Variants in METTL16 observed in about 807,000 individuals in gnomAD.
The protein encoded by METTL16 is RNA N(6)-adenosine-methyltransferase METTL16.
A neutral mutation model predicts 57.9 loss-of-function variants in METTL16; 19 were observed. That is an observed-to-expected ratio of 0.33 (90% confidence interval 0.23 to 0.48). The LOEUF is 0.48. METTL16 is among the 20% of genes least tolerant of loss of function. METTL16 has a pLI of 0.99. For synonymous variants in METTL16, 246 were observed against 255.6 expected (o/e 0.96, Z 0.36); for missense variants, 434 against 691.5 (o/e 0.63, Z 4.18).
At chr17:2,435,593 G>A (rs560453492) in intron 8 of METTL16, among the ~76,000 whole-genome samples, 16 of 152,284 alleles carry the variant, frequency 1.1e-4, no homozygotes, top group East Asian at 1.9e-4. Flanking sequence ...AGGAATTGCC[G>A]TTTTTTCCTG....
intron 3 of METTL16, among the ~76,000 whole-genome samples, chr17:2,477,188 T>A (rs1327119348): frequency 6.6e-6 from 1 of 152,048 alleles, no homozygotes; most frequent in Non-Finnish European, 1.5e-5. Context: ...AAAAAATTTT[T>A]AAATTAAAAA....
intron 6 of METTL16, among the ~76,000 whole-genome samples, chr17:2,462,650 C>T (rs771149900): frequency 2.0e-5 from 3 of 152,068 alleles, no homozygotes; most frequent in Non-Finnish European, 2.9e-5. Context: ...TCTTCCTCCT[C>T]CTCTGGCCAC....
chr17:2,469,656 C>A (rs2067224011), intron 4 of METTL16, among the ~76,000 whole-genome samples: 1 of 152,166 alleles, frequency 6.6e-6, no homozygotes, highest in Non-Finnish European at 1.5e-5. Context: ...TCCCAAGTAG[C>A]TGGGATTACA....
Position 2,507,731 on chromosome 17 carries a change from G to T in METTL16, c.-1+4028C>A, listed in dbSNP as rs1029629091. ...ATTGAGAAATCGGATGGTTGCCGTG[G>T]CTGTGTAGAAAGAGGTAGACATGGG... On this transcript the variant is annotated intron_variant, in intron 1 of 9. Transcript: ENST00000263092. 5.9e-5 allele frequency among the ~76,000 whole-genome samples: 9 copies of T among 152,330 alleles called. 1 individual carries two copies. The South Asian group carries it at 1.0e-3, about 18-fold the overall frequency.
At chr17:2,472,863 G>A (rs1303301695) in intron 4 of METTL16, among the ~76,000 whole-genome samples, 1 of 152,142 alleles carries the variant, frequency 6.6e-6, no homozygotes, top group Non-Finnish European at 1.5e-5. Context: ...ATGGACAGTT[G>A]AGGCACAGAA....
At chr17:2,437,933 A>G (rs1449686569) in intron 8 of METTL16, among the ~76,000 whole-genome samples, 176 bp downstream of exon 8, 1 of 152,238 alleles carries the variant, frequency 6.6e-6, no homozygotes, top group African/African-American at 2.4e-5. Flanking sequence ...AAGGCTCCAC[A>G]GTCTCCAGGA....
Position 2,420,400 on chromosome 17 carries a change from T to A in METTL16, c.1259A>T (p.Gln420Leu), listed in dbSNP as rs779770249. The part of the protein sequence containing the change: ...KPTPKESGNS[Q>L]ELARGPQERT... ...CTCCTGGGGGCCCCTGGCCAGTTCT[T>A]GGCTATTGCCAGACTCTTTGGGGGT... Residue 420 changes from glutamine (Q) to leucine (L), a missense_variant, in exon 10 of 10, where the codon CAA becomes CTA. By Grantham distance (113) the Gln-to-Leu change is moderately radical. Transcript: ENST00000263092. This position sits in a 1 kb window ranked among gnomAD's most constrained non-coding sequence, Gnocchi z 5.4. 1 of 1,613,876 alleles carries A rather than the reference T, an allele frequency of 6.2e-7. No homozygotes were observed.
intron 6 of METTL16, among the ~76,000 whole-genome samples, chr17:2,462,908 C>T (rs564500898): frequency 6.6e-6 from 1 of 152,298 alleles, no homozygotes; most frequent in East Asian, 1.9e-4. Context: ...TGTCCCAAAG[C>T]TAAATCCTTG....
chr17:2,456,518 C>T (rs913745092), intron 6 of METTL16, among the ~76,000 whole-genome samples: 3 of 152,140 alleles, frequency 2.0e-5, no homozygotes, highest in East Asian at 3.9e-4. Context: ...TCTGTTGCCC[C>T]GGTTGGAGTG....
intron 2 of METTL16, among the ~76,000 whole-genome samples, chr17:2,493,123 A>AT (rs2067413248): frequency 1.5e-5 from 2 of 135,692 alleles, no homozygotes; most frequent in African/African-American, 2.7e-5. Context: ...TATTTTGGTG[A>AT]TTCTTCTTTT....
rs1403789531 is a variant in METTL16 at position 2,420,570 on chromosome 17, T to G, written c.1089A>C (p.Gly363=). The G allele has an allele frequency of 6.2e-7, 1 of 1,612,260 alleles. No homozygotes were observed. Among genetic ancestry groups the G allele is most frequent in the Non-Finnish European group, 8.5e-7 (1 of 1,179,860 alleles). Residue 363 remains glycine, a synonymous_variant, in exon 10 of 10, where the codon GGA becomes GGC. Transcript: ENST00000263092. This position sits in a 1 kb window ranked among gnomAD's most constrained non-coding sequence, Gnocchi z 5.4. ...TTAGGAAAAGGCTGACTTCCTCTTT[T>G]CCACAGGGAACTCGTTTATGCTGGA... ...LKVQHKRVPC[G]KEEVSLFLTA...
intron 8 of METTL16, chr17:2,424,199 C>T (rs554936574): frequency 2.0e-4 from 30 of 149,944 alleles, no homozygotes; most frequent in African/African-American, 4.9e-4. Context: ...CTGCAAGCTC[C>T]GCCTCCCGGG....
At chr17:2,510,276 A>G (rs1257865856) in intron 1 of METTL16, among the ~76,000 whole-genome samples, 1 of 152,020 alleles carries the variant, frequency 6.6e-6, no homozygotes, top group Non-Finnish European at 1.5e-5. Context: ...CACTTTGAGT[A>G]TTTTTTATAT....
intron 1 of METTL16, among the ~76,000 whole-genome samples, chr17:2,504,889 A>G (rs1256554981): frequency 2.0e-5 from 3 of 152,136 alleles, no homozygotes; most frequent in Middle Eastern, 3.2e-3. Flanking sequence ...TAGTTTTTAC[A>G]GTATCCTTAC....
intron 2 of METTL16, among the ~76,000 whole-genome samples, chr17:2,498,142 C>A (rs965960236): frequency 1.3e-5 from 2 of 150,412 alleles, no homozygotes; most frequent in Non-Finnish European, 2.9e-5. Flanking sequence ...TGCAGTGAGC[C>A]GAGATCGCGC....
At chr17:2,461,390 A>G (rs2067149010) in intron 6 of METTL16, among the ~76,000 whole-genome samples, 1 of 152,034 alleles carries the variant, frequency 6.6e-6, no homozygotes, top group African/African-American at 2.4e-5. Flanking sequence ...AAACAAACAA[A>G]CAAAAACAGG....
chr17:2,507,207 T>C (rs573639415), intron 1 of METTL16, among the ~76,000 whole-genome samples: 161 of 139,478 alleles, frequency 1.2e-3, no homozygotes, highest in Admixed American at 2.3e-3. Context: ...GGTGAGGGGG[T>C]CAGCCCCCCG....
intron 6 of METTL16, among the ~76,000 whole-genome samples, chr17:2,444,321 G>A (rs9903058): frequency 0.032 from 4,922 of 152,122 alleles, 295 homozygotes; most frequent in African/African-American, 0.11. Context: ...GTGGTGGTGG[G>A]CATCTATAAT....
chr17:2,507,019 C>T (rs566891452), intron 1 of METTL16, among the ~76,000 whole-genome samples: 5 of 151,178 alleles, frequency 3.3e-5, no homozygotes, highest in African/African-American at 1.2e-4. Flanking sequence ...GCAGCCACCC[C>T]GTCTGGGAAG....
Sources: allele counts gnomAD v4.1 joint callset (sites outside exome capture counted in the v4.1 genomes callset), GRCh38; gene constraint gnomAD v4.1.1; non-coding constraint Gnocchi (gnomAD v3.1); transcripts MANE v1.5; gene names NCBI Gene and HGNC (gene_info 2026-07-23, HGNC 2026-07-21).